The following AMPH variants were observed in gnomAD, a reference collection of about 807,000 sequenced individuals.
AMPH encodes amphiphysin.
In AMPH, 49 loss-of-function variants were observed where a neutral mutation model predicts 99.1. The observed-to-expected ratio is 0.49, with a 90% CI of 0.39 to 0.63. The LOEUF is 0.63. AMPH is among the 20% of genes least tolerant of loss of function. The pLI, the probability that AMPH is intolerant of heterozygous loss-of-function variation, is 0.00. For missense variants in AMPH, 759 were observed against 863.4 expected (o/e 0.88, Z 1.52); for synonymous variants, 314 against 317.3 (o/e 0.99, Z 0.11).
chr7:38,511,342 AGCT>A (rs1048935496), intron 2 of AMPH, among the ~76,000 whole-genome samples: 3 of 152,154 alleles, frequency 2.0e-5, no homozygotes, highest in African/African-American at 7.2e-5. Context: ...TCCCAAAACA[AGCT>A]ACTTGGGAAT....
chr7:38,581,083 C>T (rs1039510299), intron 1 of AMPH, among the ~76,000 whole-genome samples: 3 of 142,976 alleles, frequency 2.1e-5, no homozygotes, highest in African/African-American at 7.6e-5. Context: ...CAGGCACACT[C>T]AAGGCTGAGG....
intron 1 of AMPH, among the ~76,000 whole-genome samples, chr7:38,589,843 A>C (rs1227052649): frequency 2.0e-5 from 3 of 152,204 alleles, no homozygotes; most frequent in Non-Finnish European, 4.4e-5. Context: ...AAAATTGCAA[A>C]TGTTGGACCT....
In AMPH at chr7:38,426,994, G is replaced by A; in HGVS notation, c.1183-8C>T. 1 of 1,611,038 alleles carries A rather than the reference G, an allele frequency of 6.2e-7. No homozygotes were observed. Among genetic ancestry groups the A allele is most frequent in the Non-Finnish European group, 8.5e-7 (1 of 1,177,564 alleles). On this transcript the variant is annotated splice_region_variant and splice_polypyrimidine_tract_variant and intron_variant, in intron 14 of 20. Coordinates refer to ENST00000356264, the MANE Select transcript of AMPH (RefSeq NM_001635.4). ...AAATGAACCACCAGAAGCCTAAACA[G>A]AAACGAAAATCAGATTGTGTTATTA...
chr7:38,613,269 C>A (rs907317934), intron 1 of AMPH, among the ~76,000 whole-genome samples: 2 of 151,958 alleles, frequency 1.3e-5, no homozygotes, highest in Admixed American at 1.3e-4. Context: ...CAAAGTCACC[C>A]TTTCTAAAAC....
intron 1 of AMPH, among the ~76,000 whole-genome samples, chr7:38,567,831 A>G (rs1240251715): frequency 6.6e-6 from 1 of 152,208 alleles, no homozygotes; most frequent in African/African-American, 2.4e-5. Flanking sequence ...TAATAATAAT[A>G]ATCAACCCAT....
chr7:38,557,522 G>T (rs951245820), intron 1 of AMPH, among the ~76,000 whole-genome samples: 7 of 152,152 alleles, frequency 4.6e-5, no homozygotes, highest in African/African-American at 1.4e-4. Flanking sequence ...CGTGAAGCAG[G>T]ATGTGTTTGC....
chr7:38,624,546 T>TA (rs57099272), intron 1 of AMPH, among the ~76,000 whole-genome samples: 10,191 of 130,176 alleles, frequency 0.078, 482 homozygotes, highest in African/African-American at 0.14. Flanking sequence ...ACAGTCATGG[T>TA]AAAAAAAAAA....
chr7:38,585,753 T>G (rs1792623304), intron 1 of AMPH, among the ~76,000 whole-genome samples: 1 of 152,258 alleles, frequency 6.6e-6, no homozygotes, highest in Admixed American at 6.5e-5. Flanking sequence ...GGGCTATTTT[T>G]GAAACATTTT....
intron 2 of AMPH, among the ~76,000 whole-genome samples, chr7:38,517,721 A>C (rs1303271192): frequency 4.6e-5 from 7 of 152,216 alleles, no homozygotes; most frequent in Admixed American, 1.3e-4. Flanking sequence ...TAAATATGCA[A>C]TTTATAATTC....
intron 17 of AMPH, among the ~76,000 whole-genome samples, chr7:38,404,654 T>A (rs1312547206): frequency 6.6e-6 from 1 of 152,154 alleles, no homozygotes; most frequent in East Asian, 1.9e-4. Context: ...ATCCAAAGGA[T>A]GACTAATTTA....
intron 1 of AMPH, among the ~76,000 whole-genome samples, chr7:38,604,441 T>C (rs1032544694): frequency 2.6e-5 from 4 of 152,142 alleles, no homozygotes; most frequent in Admixed American, 6.5e-5. Context: ...TGTGCTGATG[T>C]GGGGTAGAGA....
At chr7:38,397,171 C>T (rs953841581) in intron 17 of AMPH, among the ~76,000 whole-genome samples, 5 of 152,244 alleles carry the variant, frequency 3.3e-5, no homozygotes, top group African/African-American at 7.2e-5. Context: ...CCATGGGCTA[C>T]TCTCCCAAGT....
At chr7:38,394,285 A>G in intron 17 of AMPH, 71 bp from the exon 18 acceptor site, 1 of 1,497,736 alleles carries the variant, frequency 6.7e-7, no homozygotes, top group South Asian at 1.1e-5. Flanking sequence ...ACTCAAGCCT[A>G]TTTCTAATCT....
At chr7:38,536,936 A>G (rs1790628586) in intron 1 of AMPH, among the ~76,000 whole-genome samples, 1 of 152,214 alleles carries the variant, frequency 6.6e-6, no homozygotes, top group Non-Finnish European at 1.5e-5. Flanking sequence ...ACTATGTTAA[A>G]AAGTTAATAG....
chr7:38,410,333 G>A (rs771331020), intron 17 of AMPH, among the ~76,000 whole-genome samples: 2 of 152,136 alleles, frequency 1.3e-5, no homozygotes, highest in Non-Finnish European at 2.9e-5. Flanking sequence ...TGTCAAGCAC[G>A]ACATATATCT....
intron 1 of AMPH, among the ~76,000 whole-genome samples, chr7:38,544,351 C>T (rs1790919053): frequency 6.6e-6 from 1 of 152,174 alleles, no homozygotes. Flanking sequence ...GAGGACATCC[C>T]CTCCTTGTAA....
chr7:38,409,362 C>A (rs1006874113), intron 17 of AMPH, among the ~76,000 whole-genome samples: 4 of 152,136 alleles, frequency 2.6e-5, no homozygotes, highest in African/African-American at 7.2e-5. Context: ...GGTAGGGTAT[C>A]CAGATCCTCA....
chr7:38,540,204 T>G (rs1342489540), intron 1 of AMPH, among the ~76,000 whole-genome samples: 2 of 152,244 alleles, frequency 1.3e-5, no homozygotes, highest in East Asian at 3.8e-4. Flanking sequence ...TGAATCTTTT[T>G]CTTCAAAGAC....
intron 17 of AMPH, among the ~76,000 whole-genome samples, chr7:38,406,468 C>CTA (rs1225803148): frequency 6.6e-6 from 1 of 151,992 alleles, no homozygotes. Context: ...TTATAGACTG[C>CTA]TATAATAATT....
Sources: allele counts gnomAD v4.1 joint callset (sites outside exome capture counted in the v4.1 genomes callset), GRCh38; gene constraint gnomAD v4.1.1; transcripts MANE v1.5; gene names NCBI Gene and HGNC (gene_info 2026-07-23, HGNC 2026-07-21).